ACAT2: variants seen among roughly 807,000 people sequenced by gnomAD.
ACAT2 encodes the protein acetyl-CoA acetyltransferase, cytosolic.
In ACAT2, 26 loss-of-function variants were observed where a neutral mutation model predicts 37.1. The ratio of observed to expected loss-of-function variants is 0.70; its 90% confidence interval spans 0.51 to 0.97. ACAT2 has a LOEUF of 0.97. Ranked by LOEUF, ACAT2 falls within the 50% of genes least tolerant of loss-of-function variation. The pLI is 0.00. For missense variants in ACAT2, 468 were observed against 489.0 expected, an observed-to-expected ratio of 0.96 and a Z score of 0.40; for synonymous variants, 156 against 163.6, an observed-to-expected ratio of 0.95 and a Z score of 0.35.
chr6:159,762,867 C>T, intron 1 of ACAT2, 52 bp from the exon 2 acceptor site: 7 of 1,597,910 alleles, frequency 4.4e-6, no homozygotes, highest in South Asian at 1.1e-5. Context: ...TAGGTGGTTC[C>T]CGTATTACCC....
At chr6:159,766,629 G>A (rs748770261) in intron 2 of ACAT2, among the ~76,000 whole-genome samples, 25 of 152,112 alleles carry the variant, frequency 1.6e-4, no homozygotes, top group Non-Finnish European at 2.8e-4. Flanking sequence ...TCAAACTCCC[G>A]ACCTCAGGTG....
At position 159,775,155 on chromosome 6, in the gene ACAT2, T is replaced by C. The variant is rs1780392986; in HGVS notation, c.491-15T>C. Reference sequence around the variant, plus strand: ...ATGAAAATGTTAGTTTTTTGCTGTTTTTCTCCTTTCCCAGCTGAAAATGTA... The same window carrying C: ...ATGAAAATGTTAGTTTTTTGCTGTTCTTCTCCTTTCCCAGCTGAAAATGTA... On this transcript the variant is annotated splice_polypyrimidine_tract_variant and intron_variant, in intron 4 of 8. Coordinates refer to ENST00000367048, the MANE Select transcript of ACAT2 (RefSeq NM_005891.3). 6.2e-7 allele frequency: 1 copy of C among 1,612,212 alleles called. No individual in the cohort carries two copies.
intron 2 of ACAT2, 46 bp from the exon 3 acceptor site, chr6:159,766,959 G>T (rs1275234874): frequency 1.2e-6 from 2 of 1,606,486 alleles, no homozygotes; most frequent in East Asian, 2.2e-5. Flanking sequence ...GTGACATTTT[G>T]TCTTTCTCCT....
At chr6:159,777,582 TGA>T in intron 7 of ACAT2, 126 bp downstream of exon 7, 1 of 1,163,348 alleles carries the variant, frequency 8.6e-7, no homozygotes, top group East Asian at 2.6e-5. Flanking sequence ...TTTCTATTTT[TGA>T]GATAAGGTCT....
intron 5 of ACAT2, 134 bp downstream of exon 5, chr6:159,775,447 C>A: frequency 9.6e-7 from 1 of 1,044,862 alleles, no homozygotes; most frequent in Non-Finnish European, 1.4e-6. Flanking sequence ...GTCCTGGATA[C>A]ATGAATGTGG....
intron 1 of ACAT2, chr6:159,762,538 G>A (rs1562474066): frequency 7.6e-7 from 1 of 1,310,348 alleles, no homozygotes; most frequent in Non-Finnish European, 9.9e-7. Flanking sequence ...TTGGGCTGGG[G>A]TCGGGCTGTC....
At chr6:159,774,728 G>T (rs80240607) in intron 4 of ACAT2, among the ~76,000 whole-genome samples, 2 of 152,138 alleles carry the variant, frequency 1.3e-5, no homozygotes, top group Non-Finnish European at 2.9e-5. Context: ...GGTGTGAGCC[G>T]CCACACTTGG....
intron 4 of ACAT2, among the ~76,000 whole-genome samples, chr6:159,770,179 A>T (rs1780313736): frequency 6.6e-6 from 1 of 152,240 alleles, no homozygotes; most frequent in African/African-American, 2.4e-5. Flanking sequence ...AACAAAACTC[A>T]ATATATTCTC....
intron 2 of ACAT2, among the ~76,000 whole-genome samples, chr6:159,763,858 C>T (rs9347339): frequency 0.78 from 117,600 of 151,466 alleles, 45,935 homozygotes; most frequent in South Asian, 0.85. Flanking sequence ...TCCCAGCACT[C>T]TGGGAGGCCG....
chr6:159,766,825 G>C (rs746835449), intron 2 of ACAT2, among the ~76,000 whole-genome samples, 180 bp from the exon 3 acceptor site: 2 of 152,008 alleles, frequency 1.3e-5, no homozygotes, highest in African/African-American at 2.4e-5. Context: ...ATATATTCAA[G>C]GGCTAGACTG....
chr6:159,762,868 C>G, intron 1 of ACAT2, 51 bp from the exon 2 acceptor site: 1 of 1,598,174 alleles, frequency 6.3e-7, no homozygotes. Flanking sequence ...AGGTGGTTCC[C>G]GTATTACCCG....
rs774242898 is a variant in ACAT2, at chr6:159,778,653, C to G, written c.1024-6C>G. 9 of 1,613,502 alleles carry G rather than the reference C, an allele frequency of 5.6e-6. No homozygotes were observed. The highest frequency in any genetic ancestry group is 7.6e-6 in the Non-Finnish European group (9 of 1,179,606). ...TAAACAATCTAAATCTTTTCTCCCC[C>G]GTTAGGTCAATATTGAAGGAGGGGC... On this transcript the variant is annotated splice_region_variant and splice_polypyrimidine_tract_variant and intron_variant, in intron 8 of 8. Transcript: ENST00000367048.
chr6:159,771,941 T>C lies in ACAT2; in HGVS notation c.491-3229T>C, dbSNP rs187463592. The stretch of plus-strand genomic sequence containing the variant: ...CAACAACAACAACAAAAGAATAGCT[T>C]CCAGCCGGGCGCGGTGGCTCACGCC... On this transcript the variant is annotated intron_variant, in intron 4 of 8. Transcript: ENST00000367048. Among the ~76,000 whole-genome samples, 18 of 152,172 alleles carry C rather than the reference T, an allele frequency of 1.2e-4. 1 individual carries two copies. In the East Asian group the frequency reaches 3.5e-3, roughly 29 times the overall value.
intron 4 of ACAT2, among the ~76,000 whole-genome samples, chr6:159,772,428 A>C (rs193141344): frequency 6.6e-6 from 1 of 152,184 alleles, no homozygotes; most frequent in African/African-American, 2.4e-5. Context: ...ACCCAGACTT[A>C]TGCTTGTTTT....
At position 159,767,183 on chromosome 6, in the gene ACAT2, C is replaced by T; in HGVS notation, c.369C>T (p.Ser123=). ...TTGCAGGAGGCATGGAAAATATGAGCAAGGTAAGGCCTCTCTGATGAGGTG... is the reference window on the plus strand; with the variant it reads ...TTGCAGGAGGCATGGAAAATATGAGTAAGGTAAGGCCTCTCTGATGAGGTG... ...IVVAGGMENM[S]KAPHLAYLRT... The change falls in exon 3 of 9, where the codon AGC becomes AGT. Residue 123 remains serine (S), a synonymous_variant. Coordinates refer to ENST00000367048, the MANE Select transcript of ACAT2 (RefSeq NM_005891.3). 5 of 1,614,098 alleles carry T rather than the reference C, an allele frequency of 3.1e-6. No homozygotes were observed. Among genetic ancestry groups the T allele is most frequent in the Non-Finnish European group, 4.2e-6 (5 of 1,180,006 alleles).
chr6:159,766,599 C>T (rs572029193), intron 2 of ACAT2, among the ~76,000 whole-genome samples: 1 of 152,276 alleles, frequency 6.6e-6, no homozygotes, highest in Admixed American at 6.5e-5. Context: ...CAGAGTTTCT[C>T]CATGTTGGTC....
intron 2 of ACAT2, among the ~76,000 whole-genome samples, chr6:159,766,406 C>CTT (rs1246453909): frequency 2.1e-5 from 3 of 145,650 alleles, no homozygotes; most frequent in Admixed American, 1.4e-4. Flanking sequence ...CCCCCCCGCA[C>CTT]TTTTTTTTTT....
chr6:159,765,813 G>A (rs533849984), intron 2 of ACAT2, among the ~76,000 whole-genome samples: 3 of 152,200 alleles, frequency 2.0e-5, no homozygotes, highest in South Asian at 4.1e-4. Context: ...AACCTTACCC[G>A]TTTTTAGTTT....
chr6:159,764,525 C>G (rs1195231171), intron 2 of ACAT2, among the ~76,000 whole-genome samples: 1 of 152,050 alleles, frequency 6.6e-6, no homozygotes, highest in African/African-American at 2.4e-5. Context: ...CCCACTATAA[C>G]CTCAAACTCC....
Sources: allele counts gnomAD v4.1 joint callset (sites outside exome capture counted in the v4.1 genomes callset), GRCh38; gene constraint gnomAD v4.1.1; transcripts MANE v1.5; gene names NCBI Gene and HGNC (gene_info 2026-07-23, HGNC 2026-07-21).